R3HCC1L: variants seen among roughly 807,000 people sequenced by gnomAD.
R3HCC1L encodes the protein R3H domain and coiled-coil containing 1 like.
Under a neutral mutation model 59.9 loss-of-function variants are expected in R3HCC1L, and 51 were observed. The observed-to-expected ratio is 0.85, with a 90% CI of 0.68 to 1.07. The LOEUF is 1.07. Ranked by LOEUF, R3HCC1L falls within the 50% of genes least tolerant of loss-of-function variation. R3HCC1L has a pLI of 0.00. For missense variants in R3HCC1L, 965 were observed against 933.0 expected, an observed-to-expected ratio of 1.03 and a Z score of -0.45; for synonymous variants, 322 against 315.2, an observed-to-expected ratio of 1.02 and a Z score of -0.23.
At chr10:98,185,227 A>G (rs1850093580) in intron 4 of R3HCC1L, among the ~76,000 whole-genome samples, 1 of 152,120 alleles carries the variant, frequency 6.6e-6, no homozygotes. Context: ...CATTTATTCA[A>G]TATAAAAAAG....
At chr10:98,190,414 T>C (rs1183664755) in intron 4 of R3HCC1L, among the ~76,000 whole-genome samples, 2 of 152,232 alleles carry the variant, frequency 1.3e-5, no homozygotes, top group African/African-American at 2.4e-5. Context: ...TACCTTGCTC[T>C]ACAACCAGAA....
intron 1 of R3HCC1L, among the ~76,000 whole-genome samples, chr10:98,139,898 CAG>C (rs1211285434): frequency 6.6e-6 from 1 of 150,930 alleles, no homozygotes; most frequent in East Asian, 1.9e-4. Flanking sequence ...GGGATAAAAA[CAG>C]AAGCAGAGAA....
intron 4 of R3HCC1L, among the ~76,000 whole-genome samples, chr10:98,181,622 G>T (rs1162209690): frequency 6.6e-6 from 1 of 152,100 alleles, no homozygotes; most frequent in Non-Finnish European, 1.5e-5. Context: ...TTCCAGCTTG[G>T]TTCCATTCTC....
At position 98,234,442 on chromosome 10, in the gene R3HCC1L, G is replaced by T. The variant is rs1228341893; in HGVS notation, c.1962-4G>T. 1 of 1,611,154 alleles carries T rather than the reference G, an allele frequency of 6.2e-7. No individual in the cohort carries two copies. Among genetic ancestry groups the T allele is most frequent in the African/African-American group, 1.3e-5 (1 of 74,732 alleles). On this transcript the variant is annotated splice_polypyrimidine_tract_variant and splice_region_variant and intron_variant, in intron 6 of 9. Coordinates refer to ENST00000298999, the MANE Select transcript of R3HCC1L (RefSeq NM_001351015.2). ...GGAAATAAAATTGTTTTTTTGTGTT[G>T]CAGAAAGAAAGGATTTGATATTAAA...
intron 4 of R3HCC1L, among the ~76,000 whole-genome samples, chr10:98,197,222 C>G (rs1450993455): frequency 6.6e-6 from 1 of 152,086 alleles, no homozygotes; most frequent in South Asian, 2.1e-4. Flanking sequence ...CCCCTCCACC[C>G]CTTCCTATTC....
At chr10:98,164,735 T>C (rs1226268328) in intron 4 of R3HCC1L, among the ~76,000 whole-genome samples, 6 of 151,992 alleles carry the variant, frequency 3.9e-5, no homozygotes, top group African/African-American at 1.5e-4. Context: ...TGGGCAGCAG[T>C]TGGGGAAGAT....
rs969776795 is a variant in R3HCC1L, at chr10:98,174,592, T to G, written c.-15+11195T>G. The G allele has an allele frequency of 4.1e-6, 4 of 983,880 alleles. No individual in the cohort carries two copies. In the African/African-American group the frequency reaches 7.0e-5, roughly 17 times the overall value. The allele number at this position is 983,880 out of a possible 1,614,324, so 60.9% of individuals were successfully genotyped here. A position where few individuals can be genotyped will look rare whatever the true frequency, so the allele number is the denominator to read the frequency against. On this transcript the variant is annotated intron_variant, in intron 4 of 9. Transcript: ENST00000298999. ...ATAACAACAATGAGATGTCTCAGTT[T>G]AAACACAACTCATTTAGGAGGGCGT...
At position 98,236,153 on chromosome 10, in the gene R3HCC1L, A is replaced by C. The variant is rs1564741052; in HGVS notation, c.2258A>C (p.Gln753Pro). ...CGAGAAGCAGAGCTCAAGAAACTGC[A>C]AGAAGCCAGAGGTGAGCTGAAAGGG... ...TEREAELKKLQEARERKRLEA... is the reference protein window; with the variant it reads ...TEREAELKKLPEARERKRLEA... Residue 753 changes from glutamine (Q) to proline (P), a missense_variant, in exon 9 of 10, where the codon CAA (glutamine) becomes CCA (proline). Coordinates refer to ENST00000298999, the MANE Select transcript of R3HCC1L (RefSeq NM_001351015.2). 1 of 1,613,786 alleles carries C rather than the reference A, an allele frequency of 6.2e-7. No homozygotes were observed. The highest frequency in any genetic ancestry group is 8.5e-7 in the Non-Finnish European group (1 of 1,179,786).
intron 9 of R3HCC1L, among the ~76,000 whole-genome samples, chr10:98,240,149 T>C (rs1857372795): frequency 6.6e-6 from 1 of 151,928 alleles, no homozygotes; most frequent in East Asian, 1.9e-4. Flanking sequence ...CTACTAAAAA[T>C]AGAAAAATTA....
intron 4 of R3HCC1L, among the ~76,000 whole-genome samples, chr10:98,168,198 A>G (rs752728798): frequency 2.4e-4 from 37 of 152,126 alleles, no homozygotes; most frequent in Non-Finnish European, 4.7e-4. Context: ...TTTTCTCTCT[A>G]CCTTTGTATT....
chr10:98,154,954 T>C (rs946121868), intron 1 of R3HCC1L, among the ~76,000 whole-genome samples: 2 of 152,248 alleles, frequency 1.3e-5, no homozygotes, highest in East Asian at 3.8e-4. Flanking sequence ...TATGTGTTTA[T>C]GTGCATGTGT....
intron 5 of R3HCC1L, 119 bp downstream of exon 5, chr10:98,210,018 T>C: frequency 1.4e-6 from 1 of 737,534 alleles, no homozygotes; most frequent in Non-Finnish European, 2.2e-6. Flanking sequence ...AATAAACTAA[T>C]AGGCTTGTAG....
At position 98,209,137 on chromosome 10, in the gene R3HCC1L, T is replaced by A; in HGVS notation, c.1023T>A (p.Asp341Glu). The change falls in exon 5 of 10, where the codon GAT becomes GAA. Residue 341 changes from aspartate to glutamate, a missense_variant. Coordinates refer to ENST00000298999, the MANE Select transcript of R3HCC1L (RefSeq NM_001351015.2). ...GTGAGAAGAATGACAGCACTGCTGA[T>A]GAGTTACATGTAAAGCACGAACCTC... ...RECEKNDSTA[D>E]ELHVKHEPPD... The A allele has an allele frequency of 6.2e-7, 1 of 1,614,070 alleles. No individual in the cohort carries two copies. The highest frequency in any genetic ancestry group is 8.5e-7 in the Non-Finnish European group (1 of 1,180,008).
rs753197111 is a variant in R3HCC1L, at chr10:98,208,222, A to G, written c.108A>G (p.Glu36=). ...CAGTACTCCTTAAGACAGGTGATGA[A>G]GAAGAAAGCTGTGGTTCACCTAACT... ...RGAVLLKTGD[E]EESCGSPNSV... The change falls in exon 5 of 10, where the codon GAA becomes GAG. Residue 36 remains glutamate (E), a synonymous_variant. Transcript: ENST00000298999. 3.2e-5 allele frequency: 52 copies of G among 1,613,950 alleles called. No homozygotes were observed. Among genetic ancestry groups the G allele is most frequent in the Non-Finnish European group, 4.1e-5 (48 of 1,180,008 alleles).
chr10:98,208,935 A>T lies in R3HCC1L; in HGVS notation c.821A>T (p.Asp274Val). 6.2e-7 allele frequency: 1 copy of T among 1,614,102 alleles called. No homozygotes were observed. The change falls in exon 5 of 10, where the codon GAT (aspartate) becomes GTT (valine). Residue 274 changes from aspartate (D) to valine (V), a missense_variant. By Grantham distance (152) the Asp-to-Val change is radical (BLOSUM62 -3). Transcript: ENST00000298999. ...ITTTSVPGSP[D>V]GVFDQTCVDF... The stretch of plus-strand genomic sequence containing the variant: ...ACTACTTCTGTTCCTGGAAGTCCAG[A>T]TGGTGTCTTTGATCAAACTTGCGTA...
intron 4 of R3HCC1L, chr10:98,186,411 C>A: frequency 1.5e-6 from 1 of 669,530 alleles, no homozygotes. Flanking sequence ...AATAGCTGTT[C>A]CATGTAGAGA....
chr10:98,170,142 C>T (rs1310894613), intron 4 of R3HCC1L, among the ~76,000 whole-genome samples: 4 of 151,968 alleles, frequency 2.6e-5, no homozygotes, highest in Admixed American at 2.6e-4. Context: ...CTTTGCTCAG[C>T]ATATATTGTG....
At chr10:98,181,314 A>C (rs1260993621) in intron 4 of R3HCC1L, among the ~76,000 whole-genome samples, 1 of 152,186 alleles carries the variant, frequency 6.6e-6, no homozygotes, top group Non-Finnish European at 1.5e-5. Context: ...TTCTGGGTTG[A>C]AAATTCTTTT....
intron 5 of R3HCC1L, among the ~76,000 whole-genome samples, chr10:98,219,508 T>A (rs1854618819): frequency 6.6e-6 from 1 of 152,226 alleles, no homozygotes; most frequent in Non-Finnish European, 1.5e-5. Flanking sequence ...TTTTGTTTCT[T>A]TCTTCCTATC....
Sources: gnomAD v4.1 joint callset for allele counts (sites outside exome capture counted in the v4.1 genomes callset) on GRCh38, gnomAD v4.1.1 for gene constraint, MANE v1.5 for transcripts, NCBI Gene and HGNC (gene_info 2026-07-23, HGNC 2026-07-21) for gene names.